SAA2: variants seen among roughly 807,000 people sequenced by gnomAD.
The protein encoded by SAA2 is serum amyloid A2.
SAA2 carries 5 observed loss-of-function variants against 9.1 expected under a neutral mutation model. The observed-to-expected ratio is 0.55, with a 90% CI of 0.29 to 1.16. The LOEUF is 1.16. SAA2 is among the 50% of genes most tolerant of loss of function. The pLI, the probability that SAA2 is intolerant of heterozygous loss-of-function variation, is 0.09. For synonymous variants in SAA2, 49 were observed against 59.8 expected (o/e 0.82, Z 0.83); for missense variants, 94 against 153.8 (o/e 0.61, Z 2.06).
At chr11:18,242,966 A>C (rs1022184753), downstream of SAA2, 3 of 609,038 alleles carry the variant, frequency 4.9e-6, no homozygotes, top group Non-Finnish European at 8.9e-6. Context: ...GTAATTAATA[A>C]AAGGTATTTG....
In SAA2 at chr11:18,245,350, C is replaced by G. The variant is rs528870940; in HGVS notation, c.*27G>C. 6.2e-7 allele frequency: 1 copy of G among 1,613,408 alleles called. No homozygotes were observed. The highest frequency in any genetic ancestry group is 1.1e-5 in the South Asian group (1 of 91,030). On this transcript the variant is annotated 3_prime_UTR_variant, in exon 4 of 4. Transcript: ENST00000256733. ...TGCCCCGAGGGCCTCATAGCCAGGTCTCCTGAGAGCAGAGTGAAGAGGAAG... is the reference window on the plus strand; with the variant it reads ...TGCCCCGAGGGCCTCATAGCCAGGTGTCCTGAGAGCAGAGTGAAGAGGAAG...
downstream of SAA2, among the ~76,000 whole-genome samples, chr11:18,241,880 C>T (rs1399474317): frequency 6.6e-6 from 1 of 152,092 alleles, no homozygotes; most frequent in Non-Finnish European, 1.5e-5. Flanking sequence ...CAAATCTGTA[C>T]TTGTACCCCC....
rs993695207 is a variant in SAA2, at chr11:18,246,131, C to G, written c.92-83G>C. 2.0e-6 allele frequency: 3 copies of G among 1,494,238 alleles called. No individual in the cohort carries two copies. The African/African-American group carries it at 4.2e-5, about 21-fold the overall frequency. The allele number at this position is 1,494,238 out of a possible 1,614,324, so 92.6% of individuals were successfully genotyped here. A position where few individuals can be genotyped will look rare whatever the true frequency, so the allele number is the denominator to read the frequency against. ...ACCTTAGAGGGGAATGAAAGAAGGACAAATCTTCCACTGACTTCAAGCTTT... is the reference window on the plus strand; with the variant it reads ...ACCTTAGAGGGGAATGAAAGAAGGAGAAATCTTCCACTGACTTCAAGCTTT... On this transcript the variant is annotated intron_variant, in intron 2 of 3. Transcript: ENST00000256733.
At chr11:18,243,917 T>C (rs1213166310), downstream of SAA2, among the ~76,000 whole-genome samples, 2 of 152,210 alleles carry the variant, frequency 1.3e-5, no homozygotes, top group African/African-American at 4.8e-5. Flanking sequence ...CTTTGCCAGT[T>C]GGGCATGATG....
chr11:18,242,158 T>G (rs908538405), downstream of SAA2: 7 of 152,250 alleles, frequency 4.6e-5, no homozygotes, highest in African/African-American at 1.7e-4. Flanking sequence ...ATGTATTTAT[T>G]TATTGTAAGG....
downstream of SAA2, among the ~76,000 whole-genome samples, chr11:18,240,626 G>A (rs1484689604): frequency 1.3e-5 from 2 of 152,108 alleles, no homozygotes. Context: ...ATACAGTGGG[G>A]AAATGATACC....
chr11:18,245,456 T>C lies in SAA2; in HGVS notation c.290A>G (p.Asp97Gly). 6.2e-7 allele frequency: 1 copy of C among 1,614,172 alleles called. No homozygotes were observed. The highest frequency in any genetic ancestry group is 2.2e-5 in the East Asian group (1 of 44,874). The change falls in exon 4 of 4, where the codon GAT becomes GGT. Residue 97 changes from aspartate to glycine, a missense_variant. This residue lies in a region of SAA2 where 62 missense variants were observed against 58.3 expected (regional missense o/e 1.06). Coordinates refer to ENST00000256733, the MANE Select transcript of SAA2 (RefSeq NM_030754.5). The part of the protein sequence containing the change: ...TGRGAEDSLA[D>G]QAANKWGRSG... ...CCTGCCCCATTTATTGGCAGCCTGA[T>C]CGGCCAGCGAGTCCTCCGCACCACG... is the stretch of plus-strand genomic sequence containing the variant.
intron 3 of SAA2, 55 bp from the exon 4 acceptor site, chr11:18,245,570 T>C (rs112243200): frequency 7.4e-5 from 119 of 1,598,162 alleles, no homozygotes; most frequent in South Asian, 1.8e-4. Flanking sequence ...GAGCAACAGC[T>C]CACCCTCCCA....
At chr11:18,240,082 T>C in intron 3 of SAA2, 1 of 1,395,854 alleles carries the variant, frequency 7.2e-7, no homozygotes, top group South Asian at 1.3e-5. Context: ...CCGGTGATTA[T>C]ATACTATTCT....
rs367983868 is a variant in SAA2 at position 18,246,038 on chromosome 11, G to A, written c.102C>T (p.Asp34=). 370 of 1,612,870 alleles carry A rather than the reference G, an allele frequency of 2.3e-4. No individual in the cohort carries two copies. Among genetic ancestry groups the A allele is most frequent in the Non-Finnish European group, 3.0e-4 (359 of 1,179,788 alleles). ...TCATGTCAGAGTAGGCTCTCCACATGTCCCGAGCCCCTGGAAAGGAAAGGA... is the reference window on the plus strand; with the variant it reads ...TCATGTCAGAGTAGGCTCTCCACATATCCCGAGCCCCTGGAAAGGAAAGGA... The part of the protein sequence containing the change: ...FLGEAFDGAR[D]MWRAYSDMRE... Residue 34 remains aspartate (D), a synonymous_variant, in exon 3 of 4, where the codon GAC becomes GAT. Coordinates refer to ENST00000256733, the MANE Select transcript of SAA2 (RefSeq NM_030754.5).
chr11:18,245,026 A>G (rs1219384323), downstream of SAA2, among the ~76,000 whole-genome samples: 1 of 152,212 alleles, frequency 6.6e-6, no homozygotes, highest in African/African-American at 2.4e-5. Context: ...GGGACTGGAA[A>G]TAGCAACAAT....
chr11:18,239,455 T>C (rs2134131634), exon 4 of SAA2: 1 of 369,914 alleles, frequency 2.7e-6, no homozygotes, highest in East Asian at 3.9e-5. Context: ...GGTGTTTTGA[T>C]TGATGTCTGG....
chr11:18,246,397 T>C (rs113180020), intron 2 of SAA2, among the ~76,000 whole-genome samples: 3 of 152,188 alleles, frequency 2.0e-5, no homozygotes, highest in East Asian at 1.9e-4. Context: ...ATGGAATACA[T>C]GTCATTGTGA....
downstream of SAA2, among the ~76,000 whole-genome samples, chr11:18,241,810 A>G (rs997615268): frequency 2.6e-5 from 4 of 152,202 alleles, no homozygotes; most frequent in Non-Finnish European, 5.9e-5. Flanking sequence ...AATGAACTCT[A>G]CTTGGGTGAT....
At chr11:18,244,459 T>G (rs935524568), downstream of SAA2, among the ~76,000 whole-genome samples, 4 of 152,356 alleles carry the variant, frequency 2.6e-5, no homozygotes, top group African/African-American at 9.6e-5. Context: ...AGTAAACTAT[T>G]TGCCATCCAA....
downstream of SAA2, among the ~76,000 whole-genome samples, chr11:18,241,801 A>G (rs1857354509): frequency 1.3e-5 from 2 of 152,204 alleles, no homozygotes; most frequent in Admixed American, 1.3e-4. Flanking sequence ...GACAGGTACA[A>G]TGAACTCTAC....
intron 2 of SAA2, among the ~76,000 whole-genome samples, chr11:18,247,283 G>A (rs1392703856): frequency 2.6e-5 from 4 of 151,250 alleles, no homozygotes; most frequent in Non-Finnish European, 4.4e-5. Flanking sequence ...CTGACAGAGC[G>A]AGGCTAAAGA....
chr11:18,239,452 T>C (rs1357981100), exon 4 of SAA2: 1 of 368,184 alleles, frequency 2.7e-6, no homozygotes, highest in African/African-American at 2.1e-5. Flanking sequence ...TGTGGTGTTT[T>C]GATTGATGTC....
chr11:18,243,522 G>A (rs779690014), downstream of SAA2, among the ~76,000 whole-genome samples: 19 of 152,112 alleles, frequency 1.2e-4, no homozygotes, highest in Admixed American at 3.3e-4. Flanking sequence ...CTGCTCCCAT[G>A]AGCCAATCTT....
Sources: gnomAD v4.1 joint callset for allele counts (sites outside exome capture counted in the v4.1 genomes callset) on GRCh38, gnomAD v4.1.1 for gene constraint, gnomAD v4.1.1 regional missense constraint, MANE v1.5 for transcripts, NCBI Gene and HGNC (gene_info 2026-07-23, HGNC 2026-07-21) for gene names.